CYP7B1: variants seen among roughly 807,000 people sequenced by gnomAD.
CYP7B1 encodes cytochrome P450 7B1.
CYP7B1 carries 29 observed loss-of-function variants against 42.7 expected under a neutral mutation model. The observed-to-expected ratio is 0.68, with a 90% CI of 0.51 to 0.93. The LOEUF (loss-of-function observed/expected upper bound fraction) is 0.93, where lower values mean the gene tolerates loss of function less well. Among genes scored for constraint, CYP7B1 ranks in the 40% least tolerant of loss-of-function variants. The pLI is 0.00. For synonymous variants in CYP7B1, 235 were observed against 218.2 expected (o/e 1.08, Z -0.68); for missense variants, 655 against 600.5 (o/e 1.09, Z -0.95).
rs1196305202 is a variant in CYP7B1 at position 64,596,275 on chromosome 8, G to A, written c.*367C>T. 5.6e-6 allele frequency: 1 copy of A among 177,728 alleles called. No homozygotes were observed. Among genetic ancestry groups the A allele is most frequent in the African/African-American group, 2.4e-5 (1 of 41,842 alleles). 11.0% of individuals were successfully genotyped at this position (177,728 alleles called of 1,614,324 possible). On this transcript the variant is annotated 3_prime_UTR_variant, in exon 6 of 6. Coordinates refer to ENST00000310193, the MANE Select transcript of CYP7B1 (RefSeq NM_004820.5). ...CAGCACAATTTTCTAGTAGTTCAAAGTGTAATTTTACATATTAGAGAACAA... is the reference window on the plus strand; with the variant it reads ...CAGCACAATTTTCTAGTAGTTCAAAATGTAATTTTACATATTAGAGAACAA...
chr8:64,630,790 C>T (rs1274871255), intron 1 of CYP7B1, among the ~76,000 whole-genome samples: 2 of 152,124 alleles, frequency 1.3e-5, no homozygotes, highest in South Asian at 2.1e-4. Flanking sequence ...TTGATAATTT[C>T]GATGTGGTCC....
chr8:64,747,388 A>G (rs1413567335), intron 1 of CYP7B1, among the ~76,000 whole-genome samples: 1 of 150,940 alleles, frequency 6.6e-6, no homozygotes, highest in African/African-American at 2.4e-5. Context: ...ACAGTCAGAA[A>G]TTCACATACA....
intron 1 of CYP7B1, among the ~76,000 whole-genome samples, chr8:64,735,735 G>A (rs941397154): frequency 2.0e-5 from 3 of 152,088 alleles, no homozygotes; most frequent in Non-Finnish European, 2.9e-5. Flanking sequence ...CTACAATTCT[G>A]GCAATGAGAA....
intron 1 of CYP7B1, among the ~76,000 whole-genome samples, chr8:64,740,092 A>G (rs1807546642): frequency 6.6e-6 from 1 of 152,128 alleles, no homozygotes; most frequent in Non-Finnish European, 1.5e-5. Context: ...AGAGAGGAAG[A>G]ACACTGGAGA....
In CYP7B1 at chr8:64,641,084, C is replaced by A. The variant is rs146085563; in HGVS notation, c.123-16545G>T. Among the ~76,000 whole-genome samples the A allele has an allele frequency of 2.0e-5, 3 of 152,056 alleles. No homozygotes were observed. In the South Asian group the frequency reaches 6.2e-4, roughly 32 times the overall value. The stretch of plus-strand genomic sequence containing the variant: ...TAAACTATAGTGCAATAAACTTGTA[C>A]GAACAAAAATCTAATTTCCATATTC... On this transcript the variant is annotated intron_variant, in intron 1 of 5. Coordinates refer to ENST00000310193, the MANE Select transcript of CYP7B1 (RefSeq NM_004820.5).
chr8:64,654,807 C>T (rs1258962340), intron 1 of CYP7B1, among the ~76,000 whole-genome samples: 6 of 152,100 alleles, frequency 3.9e-5, no homozygotes, highest in African/African-American at 7.2e-5. Context: ...CAGTAAGGTA[C>T]TGGTACAAAA....
Position 64,596,948 on chromosome 8 carries a change from T to A in CYP7B1, c.1234-19A>T. ...TAAACTCCTGTAAGGAAGAATAGTG[T>A]TAAAATTAACATTTTATATGAAATA... On this transcript the variant is annotated intron_variant, in intron 5 of 5. Coordinates refer to ENST00000310193, the MANE Select transcript of CYP7B1 (RefSeq NM_004820.5). 1 of 1,586,792 alleles carries A rather than the reference T, an allele frequency of 6.3e-7. No individual in the cohort carries two copies. Among genetic ancestry groups the A allele is most frequent in the Non-Finnish European group, 8.6e-7 (1 of 1,161,230 alleles).
At chr8:64,651,358 G>C (rs1203865968) in intron 1 of CYP7B1, among the ~76,000 whole-genome samples, 1 of 152,188 alleles carries the variant, frequency 6.6e-6, no homozygotes, top group African/African-American at 2.4e-5. Flanking sequence ...TGGAGAAGTG[G>C]ATGAACATAT....
intron 1 of CYP7B1, among the ~76,000 whole-genome samples, chr8:64,627,569 GCT>G (rs1329060331): frequency 6.6e-6 from 1 of 152,164 alleles, no homozygotes; most frequent in African/African-American, 2.4e-5. Flanking sequence ...CATCCTCTAT[GCT>G]CTGTTATTTG....
intron 1 of CYP7B1, among the ~76,000 whole-genome samples, chr8:64,766,221 C>A (rs1807971101): frequency 6.6e-6 from 1 of 152,114 alleles, no homozygotes; most frequent in African/African-American, 2.4e-5. Flanking sequence ...AGGAAGAAGC[C>A]TATAAATTAT....
chr8:64,678,881 C>CTATG (rs1806492071), intron 1 of CYP7B1, among the ~76,000 whole-genome samples: 1 of 147,630 alleles, frequency 6.8e-6, no homozygotes, highest in Non-Finnish European at 1.5e-5. Flanking sequence ...AACATCAATG[C>CTATG]TGTGTGTGTG....
intron 1 of CYP7B1, among the ~76,000 whole-genome samples, chr8:64,688,925 C>T (rs1407829132): frequency 6.6e-6 from 1 of 151,656 alleles, no homozygotes; most frequent in African/African-American, 2.4e-5. Context: ...GACCCCATCT[C>T]AAAAATATAA....
chr8:64,642,323 T>C (rs1370936127), intron 1 of CYP7B1, among the ~76,000 whole-genome samples: 1 of 152,076 alleles, frequency 6.6e-6, no homozygotes, highest in East Asian at 1.9e-4. Context: ...TCACAATCTA[T>C]TGTCCCACTT....
In CYP7B1 at chr8:64,615,807, A is replaced by G; in HGVS notation, c.734T>C (p.Ile245Thr). Reference sequence around the variant, plus strand: ...CTTTTCTGATGAGAAGCATTTTATAATTTTCTCTCTAATAGACTTGACATT... The same window carrying G: ...CTTTTCTGATGAGAAGCATTTTATAGTTTTCTCTCTAATAGACTTGACATT... ...LGNVKSIREK[I>T]IKCFSSEKLA... The change falls in exon 3 of 6, where the codon ATT becomes ACT. Residue 245 changes from isoleucine (I) to threonine (T), a missense_variant. By Grantham distance (89) the Ile-to-Thr change is moderately conservative. Transcript: ENST00000310193. 1.9e-6 allele frequency: 3 copies of G among 1,613,702 alleles called. No individual in the cohort carries two copies. The highest frequency in any genetic ancestry group is 2.5e-6 in the Non-Finnish European group (3 of 1,179,766).
chr8:64,752,713 T>C lies in CYP7B1; in HGVS notation c.122+45753A>G, dbSNP rs559572693. ...TTCTACATATGTAAGTCTATACATGTATGCCTGAAACCTTGATCCTATGTA... is the reference window on the plus strand; with the variant it reads ...TTCTACATATGTAAGTCTATACATGCATGCCTGAAACCTTGATCCTATGTA... On this transcript the variant is annotated intron_variant, in intron 1 of 5. Transcript: ENST00000310193. 5.4e-4 allele frequency among the ~76,000 whole-genome samples: 82 copies of C among 152,314 alleles called. 1 individual carries two copies. In the South Asian group the frequency reaches 0.016, roughly 30 times the overall value.
intron 1 of CYP7B1, among the ~76,000 whole-genome samples, chr8:64,634,989 C>G (rs550031923): frequency 1.3e-5 from 2 of 152,316 alleles, no homozygotes; most frequent in Admixed American, 1.3e-4. Flanking sequence ...TGCAGTGCAG[C>G]TGTTGGACTT....
chr8:64,663,954 G>T (rs1028542572), intron 1 of CYP7B1, among the ~76,000 whole-genome samples: 2 of 151,996 alleles, frequency 1.3e-5, no homozygotes, highest in Non-Finnish European at 2.9e-5. Flanking sequence ...TGTGGTAGAC[G>T]AAAAAAATGG....
chr8:64,666,385 A>G (rs1456322996), intron 1 of CYP7B1, among the ~76,000 whole-genome samples: 1 of 152,214 alleles, frequency 6.6e-6, no homozygotes, highest in Admixed American at 6.5e-5. Flanking sequence ...AATAACAAAA[A>G]AATTTTAAAA....
intron 4 of CYP7B1, among the ~76,000 whole-genome samples, chr8:64,606,046 C>T (rs535207217): frequency 1.3e-5 from 2 of 152,338 alleles, no homozygotes; most frequent in Admixed American, 1.3e-4. Context: ...GCTTTGGGTG[C>T]TTTCTCCCAG....
Sources: allele counts gnomAD v4.1 joint callset (sites outside exome capture counted in the v4.1 genomes callset), GRCh38; gene constraint gnomAD v4.1.1; transcripts MANE v1.5; gene names NCBI Gene and HGNC (gene_info 2026-07-23, HGNC 2026-07-21).